MED15: variants seen among roughly 807,000 people sequenced by gnomAD.
MED15 encodes the protein mediator complex subunit 15, also known as mediator of RNA polymerase II transcription subunit 15.
In MED15, 41 loss-of-function variants were observed where a neutral mutation model predicts 118.7. The ratio of observed to expected loss-of-function variants is 0.35; its 90% CI spans 0.27 to 0.45. The LOEUF (loss-of-function observed/expected upper bound fraction) is 0.45, where lower values mean the gene tolerates loss of function less well. Ranked by LOEUF, MED15 falls within the 20% of genes least tolerant of loss-of-function variation. The pLI is 1.00. For missense variants in MED15, 740 were observed against 1,025.5 expected (o/e 0.72, Z 3.80); for synonymous variants, 436 against 413.9 (o/e 1.05, Z -0.65).
intron 9 of MED15, among the ~76,000 whole-genome samples, chr22:20,580,311 G>T (rs772212289): frequency 1.3e-5 from 2 of 152,196 alleles, no homozygotes; most frequent in Non-Finnish European, 2.9e-5. Context: ...CTCTTGAGTG[G>T]CAATGAGGGC....
rs772970128 is a variant in MED15, at chr22:20,582,738, CCAA to C, written c.1402_1404del (p.Asn468del). ...GGCCAGCCCAGCTCACAGCCCAACT[CCAA>C]CGTCAGGTAGGCCTGGCCTGGGGTG... On this transcript the variant is annotated inframe_deletion, in exon 10 of 18. Transcript: ENST00000263205. 3 of 1,590,768 alleles carry C rather than the reference CCAA, an allele frequency of 1.9e-6. No homozygotes were observed. Among genetic ancestry groups the C allele is most frequent in the Non-Finnish European group, 2.6e-6 (3 of 1,173,312 alleles).
chr22:20,574,994 C>T, intron 8 of MED15, 119 bp from the exon 9 acceptor site: 2 of 1,500,652 alleles, frequency 1.3e-6, no homozygotes, highest in Non-Finnish European at 1.8e-6. Context: ...CCCGAGCTGC[C>T]CAAGCTTTCC....
intron 2 of MED15, among the ~76,000 whole-genome samples, chr22:20,550,176 C>G (rs2055712670): frequency 6.6e-6 from 1 of 152,146 alleles, no homozygotes; most frequent in East Asian, 1.9e-4. Context: ...TGCCCCCATT[C>G]TCATACCACT....
chr22:20,564,747 G>T (rs1229731039), intron 6 of MED15, 59 bp downstream of exon 6: 17 of 1,605,174 alleles, frequency 1.1e-5, no homozygotes, highest in South Asian at 7.8e-5. Flanking sequence ...CCCTGGGCTG[G>T]CATCAGCCAC....
intron 1 of MED15, among the ~76,000 whole-genome samples, chr22:20,535,717 G>A (rs1224338441): frequency 3.3e-5 from 5 of 150,764 alleles, no homozygotes; most frequent in African/African-American, 7.3e-5. Flanking sequence ...CTGCCACCAT[G>A]CCCAGCTAAT....
intron 8 of MED15, chr22:20,573,979 G>GTCACCCCGGCTTCTGCCATGCCA (rs2056747877): frequency 6.6e-6 from 1 of 152,142 alleles, no homozygotes; most frequent in African/African-American, 2.4e-5. Context: ...CTGCCATGCC[G>GTCACCCCGGCTTCTGCCATGCCA]TGTCACCCCG....
At chr22:20,579,595 G>A (rs2056919435) in intron 9 of MED15, among the ~76,000 whole-genome samples, 1 of 152,128 alleles carries the variant, frequency 6.6e-6, no homozygotes. Flanking sequence ...GTGAGATGGA[G>A]CTCCCTGGAC....
At chr22:20,525,000 G>A (rs994309521) in intron 1 of MED15, among the ~76,000 whole-genome samples, 1 of 152,070 alleles carries the variant, frequency 6.6e-6, no homozygotes, top group African/African-American at 2.4e-5. Flanking sequence ...AGACAGGAAG[G>A]TTTAGATAGG....
intron 1 of MED15, among the ~76,000 whole-genome samples, chr22:20,535,486 G>C (rs972590415): frequency 6.6e-6 from 1 of 152,088 alleles, no homozygotes; most frequent in African/African-American, 2.4e-5. Flanking sequence ...GCTGGACTGG[G>C]CCTATTCAAT....
At position 20,546,477 on chromosome 22, in the gene MED15, T is replaced by C. The variant is rs2055540795; in HGVS notation, c.157-4959T>C. ...TTAGGGCTTGTAGACTAATTCTGGCTTTTCTCCCACATTCGTTACATGGAG... is the reference window on the plus strand; with the variant it reads ...TTAGGGCTTGTAGACTAATTCTGGCCTTTCTCCCACATTCGTTACATGGAG... On this transcript the variant is annotated intron_variant, in intron 2 of 17. Transcript: ENST00000263205. Among the ~76,000 whole-genome samples the C allele has an allele frequency of 4.6e-5, 7 of 152,060 alleles. No individual in the cohort carries two copies. The South Asian group carries it at 1.5e-3, about 32-fold the overall frequency.
chr22:20,577,726 C>T lies in MED15; in HGVS notation c.1272+2494C>T, dbSNP rs570889061. 2.6e-5 allele frequency among the ~76,000 whole-genome samples: 4 copies of T among 151,948 alleles called. No homozygotes were observed. The South Asian group carries it at 6.3e-4, about 24-fold the overall frequency. On this transcript the variant is annotated intron_variant, in intron 9 of 17. Transcript: ENST00000263205. ...GCACACAGATTTAATCACCAGGCCCCGCCCATTCGCACTGGCAGTGAGAGG... is the reference window on the plus strand; with the variant it reads ...GCACACAGATTTAATCACCAGGCCCTGCCCATTCGCACTGGCAGTGAGAGG...
intron 2 of MED15, 118 bp downstream of exon 2, chr22:20,537,322 G>C: frequency 1.3e-6 from 1 of 799,828 alleles, no homozygotes; most frequent in East Asian, 2.9e-5. Flanking sequence ...GTTGCTCATC[G>C]ATTGATCACA....
chr22:20,548,561 A>G (rs2055646577), intron 2 of MED15, among the ~76,000 whole-genome samples: 1 of 152,224 alleles, frequency 6.6e-6, no homozygotes, highest in African/African-American at 2.4e-5. Context: ...TTTCCAGCCC[A>G]GTTCCTGATA....
intron 9 of MED15, among the ~76,000 whole-genome samples, chr22:20,577,424 C>T (rs1266576460): frequency 6.6e-6 from 1 of 151,448 alleles, no homozygotes; most frequent in African/African-American, 2.4e-5. Context: ...CCCTCCTTCC[C>T]ACCAGTTCCC....
At chr22:20,586,004 C>G (rs734740) in intron 17 of MED15, among the ~76,000 whole-genome samples, 178 bp downstream of exon 17, 1 of 152,146 alleles carries the variant, frequency 6.6e-6, no homozygotes, top group African/African-American at 2.4e-5. Flanking sequence ...TTCCAGTGGT[C>G]GCCTGAGAGA....
At chr22:20,569,874 G>T (rs2056581811) in intron 8 of MED15, among the ~76,000 whole-genome samples, 1 of 152,278 alleles carries the variant, frequency 6.6e-6, no homozygotes, top group South Asian at 2.1e-4. Context: ...GGCCTCGTGG[G>T]GGGGCTCCCT....
chr22:20,575,064 G>C (rs2056781868), intron 8 of MED15, 49 bp from the exon 9 acceptor site: 8 of 1,608,948 alleles, frequency 5.0e-6, no homozygotes, highest in Non-Finnish European at 5.9e-6. Context: ...CCCAGGCACT[G>C]AGTTTCTTTG....
At chr22:20,578,551 G>A (rs919847491) in intron 9 of MED15, among the ~76,000 whole-genome samples, 5 of 152,208 alleles carry the variant, frequency 3.3e-5, no homozygotes, top group African/African-American at 1.2e-4. Flanking sequence ...TGGCTCCAGA[G>A]GTGTGCCTCT....
At chr22:20,532,574 G>A (rs1403117152) in intron 1 of MED15, among the ~76,000 whole-genome samples, 3 of 152,192 alleles carry the variant, frequency 2.0e-5, no homozygotes, top group Admixed American at 6.5e-5. Context: ...GAGCATTGGA[G>A]CCCAGTTCAC....
Sources: gnomAD v4.1 joint callset for allele counts (sites outside exome capture counted in the v4.1 genomes callset) on GRCh38, gnomAD v4.1.1 for gene constraint, MANE v1.5 for transcripts, NCBI Gene and HGNC (gene_info 2026-07-23, HGNC 2026-07-21) for gene names.